Variants in CRYL1 observed in about 807,000 individuals in gnomAD.
The protein encoded by CRYL1 is crystallin lambda 1.
CRYL1 carries 29 observed loss-of-function variants against 36.6 expected under a neutral mutation model. That is an observed-to-expected ratio of 0.79 (90% CI 0.59 to 1.08). The LOEUF is 1.08. CRYL1 is among the 50% of genes least tolerant of loss of function. CRYL1 has a pLI of 0.00. For synonymous variants in CRYL1, 152 were observed against 151.5 expected (o/e 1.00, Z -0.02); for missense variants, 411 against 407.9 (o/e 1.01, Z -0.06).
chr13:20,440,628 A>AT (rs1258324945), intron 3 of CRYL1, among the ~76,000 whole-genome samples: 1 of 152,168 alleles, frequency 6.6e-6, no homozygotes. Flanking sequence ...ATCAACATTT[A>AT]TTTTCCCTAT....
intron 2 of CRYL1, among the ~76,000 whole-genome samples, chr13:20,499,649 C>T (rs2033670652): frequency 6.6e-6 from 1 of 152,040 alleles, no homozygotes; most frequent in Non-Finnish European, 1.5e-5. Context: ...GAGACTCTGA[C>T]ACACACACAA....
At chr13:20,444,748 G>T (rs2032419923) in intron 3 of CRYL1, among the ~76,000 whole-genome samples, 1 of 152,186 alleles carries the variant, frequency 6.6e-6, no homozygotes, top group African/African-American at 2.4e-5. Context: ...ATGGAGTCTT[G>T]CTCTATCACC....
intron 6 of CRYL1, among the ~76,000 whole-genome samples, chr13:20,407,736 C>T (rs1217113319): frequency 6.6e-6 from 1 of 152,126 alleles, no homozygotes; most frequent in Admixed American, 6.5e-5. Flanking sequence ...GATGCTTATC[C>T]AGAAAAAGAC....
intron 5 of CRYL1, among the ~76,000 whole-genome samples, chr13:20,421,829 T>TAAC (rs1284515582): frequency 6.6e-6 from 1 of 151,904 alleles, no homozygotes; most frequent in Non-Finnish European, 1.5e-5. Flanking sequence ...GTTAGAATAC[T>TAAC]AACATAGAAG....
intron 4 of CRYL1, among the ~76,000 whole-genome samples, chr13:20,434,308 T>G (rs1050092472): frequency 1.4e-4 from 21 of 152,282 alleles, no homozygotes; most frequent in Non-Finnish European, 2.9e-4. Flanking sequence ...CTTTCCTGTC[T>G]TACAAGAGGA....
At chr13:20,505,711 T>A (rs2033786756) in intron 2 of CRYL1, among the ~76,000 whole-genome samples, 1 of 152,172 alleles carries the variant, frequency 6.6e-6, no homozygotes, top group South Asian at 2.1e-4. Context: ...AAACAGGGTG[T>A]CAGGGAAGAT....
chr13:20,423,182 G>T (rs897678203), intron 5 of CRYL1, among the ~76,000 whole-genome samples: 1 of 151,998 alleles, frequency 6.6e-6, no homozygotes, highest in Non-Finnish European at 1.5e-5. Context: ...AGAATTTTAG[G>T]GTTTTCTATA....
At chr13:20,449,499 T>C (rs996042839) in intron 3 of CRYL1, among the ~76,000 whole-genome samples, 1 of 151,628 alleles carries the variant, frequency 6.6e-6, no homozygotes, top group African/African-American at 2.4e-5. Flanking sequence ...ATGGAACAAA[T>C]AGAAAACAGC....
intron 5 of CRYL1, among the ~76,000 whole-genome samples, chr13:20,424,048 T>G (rs2031879350): frequency 1.3e-5 from 2 of 152,214 alleles, no homozygotes; most frequent in African/African-American, 4.8e-5. Context: ...GGATTACAGG[T>G]GTGAGCCACC....
intron 3 of CRYL1, among the ~76,000 whole-genome samples, chr13:20,464,021 TG>T (rs1246768543): frequency 6.6e-6 from 1 of 152,170 alleles, no homozygotes; most frequent in Non-Finnish European, 1.5e-5. Flanking sequence ...TGCCCATTCC[TG>T]TTAACCGACA....
intron 3 of CRYL1, among the ~76,000 whole-genome samples, chr13:20,471,440 C>T (rs1046356204): frequency 6.6e-6 from 1 of 151,890 alleles, no homozygotes; most frequent in Admixed American, 6.6e-5. Flanking sequence ...CCCATCTCTA[C>T]TAAAAATACG....
At chr13:20,468,799 G>A (rs1044030978) in intron 3 of CRYL1, among the ~76,000 whole-genome samples, 2 of 152,156 alleles carry the variant, frequency 1.3e-5, no homozygotes, top group Admixed American at 6.5e-5. Flanking sequence ...TAGAGATGGG[G>A]TTTAACCATG....
intron 2 of CRYL1, among the ~76,000 whole-genome samples, chr13:20,505,309 A>G (rs1373770406): frequency 6.8e-6 from 1 of 147,440 alleles, no homozygotes; most frequent in Non-Finnish European, 1.5e-5. Context: ...GTAAGCCAAG[A>G]TCGTGCCACT....
intron 3 of CRYL1, among the ~76,000 whole-genome samples, chr13:20,469,843 G>C (rs2033018798): frequency 6.6e-6 from 1 of 152,150 alleles, no homozygotes; most frequent in African/African-American, 2.4e-5. Context: ...CAAAGCACTG[G>C]GCTCCCGATG....
At chr13:20,496,049 CCTTGG>C (rs1442130130) in intron 2 of CRYL1, among the ~76,000 whole-genome samples, 8 of 152,200 alleles carry the variant, frequency 5.3e-5, no homozygotes, top group Non-Finnish European at 1.0e-4. Flanking sequence ...GATCCACCTG[CCTTGG>C]CCTCCCAAAG....
At chr13:20,439,513 G>GCA in intron 4 of CRYL1, 80 bp downstream of exon 4, 1 of 723,676 alleles carries the variant, frequency 1.4e-6, no homozygotes, top group Non-Finnish European at 1.9e-6. Flanking sequence ...CCCCTCCCCC[G>GCA]CAAAAAAAAA....
intron 5 of CRYL1, among the ~76,000 whole-genome samples, chr13:20,417,379 G>A (rs2031696700): frequency 6.6e-6 from 1 of 152,162 alleles, no homozygotes; most frequent in Admixed American, 6.5e-5. Flanking sequence ...ACTGACAAGC[G>A]ATTCCTTATA....
intron 3 of CRYL1, among the ~76,000 whole-genome samples, chr13:20,460,511 C>CTTTTTT (rs71074302): frequency 2.8e-5 from 2 of 70,270 alleles, no homozygotes; most frequent in African/African-American, 1.2e-4. Flanking sequence ...TAGGCAGCTG[C>CTTTTTT]TTTTTTTTTT....
chr13:20,479,047 C>T (rs973745233), intron 3 of CRYL1, among the ~76,000 whole-genome samples: 7 of 152,096 alleles, frequency 4.6e-5, no homozygotes, highest in African/African-American at 1.7e-4. Flanking sequence ...TCCCTTTACA[C>T]CTGTAAAGGA....
Sources: allele counts gnomAD v4.1 joint callset (sites outside exome capture counted in the v4.1 genomes callset), GRCh38; gene constraint gnomAD v4.1.1; transcripts MANE v1.5; gene names NCBI Gene and HGNC (gene_info 2026-07-23, HGNC 2026-07-21).